The following MTSS1 variants were observed in gnomAD, a reference collection of about 807,000 sequenced individuals.
MTSS1 encodes the protein MTSS I-BAR domain containing 1.
In MTSS1, 18 loss-of-function variants were observed where a neutral mutation model predicts 79.0. That is an observed-to-expected ratio of 0.23 (90% CI 0.16 to 0.34). The LOEUF is 0.34. MTSS1 is among the 10% of genes least tolerant of loss of function. MTSS1 has a pLI of 1.00. For synonymous variants in MTSS1, 341 were observed against 368.6 expected (o/e 0.93, Z 0.86); for missense variants, 815 against 986.2 (o/e 0.83, Z 2.33).
chr8:124,591,524 T>C (rs80062289), intron 3 of MTSS1, among the ~76,000 whole-genome samples: 3,192 of 152,326 alleles, frequency 0.021, 118 homozygotes, highest in African/African-American at 0.073. Context: ...GTAATGCTGA[T>C]TGTAATCTAA....
At chr8:124,568,005 T>A in intron 7 of MTSS1, 1 of 1,271,408 alleles carries the variant, frequency 7.9e-7, no homozygotes, top group Non-Finnish European at 1.0e-6. Context: ...AGTGCTCCTT[T>A]AAAACACAGA....
chr8:124,552,906 G>T lies in MTSS1; in HGVS notation c.*86C>A, dbSNP rs1822754665. 7.3e-7 allele frequency: 1 copy of T among 1,378,700 alleles called. No homozygotes were observed. The highest frequency in any genetic ancestry group is 1.5e-5 in the African/African-American group (1 of 68,812). The allele number at this position is 1,378,700 out of a possible 1,614,324, so 85.4% of individuals were successfully genotyped here. Reference sequence around the variant, plus strand: ...TTCCGAGTTGCCTACAAAATCTTTTGTTTTATTATAGAGTGGAATGGATCA... The same window carrying T: ...TTCCGAGTTGCCTACAAAATCTTTTTTTTTATTATAGAGTGGAATGGATCA... On this transcript the variant is annotated 3_prime_UTR_variant, in exon 14 of 14. Transcript: ENST00000518547.
chr8:124,558,673 G>A, intron 10 of MTSS1: 2 of 1,501,854 alleles, frequency 1.3e-6, no homozygotes, highest in South Asian at 2.5e-5. Context: ...AGGGGGACCA[G>A]GGAGAGTGGG....
Position 124,552,783 on chromosome 8 carries a change from T to C in MTSS1, c.*209A>G. 2.1e-6 allele frequency: 1 copy of C among 487,318 alleles called. No individual in the cohort carries two copies. The highest frequency in any genetic ancestry group is 3.6e-6 in the Non-Finnish European group (1 of 280,794). The allele number at this position is 487,318 out of a possible 1,614,324, so 30.2% of individuals were successfully genotyped here. A position where few individuals can be genotyped will look rare whatever the true frequency, so the allele number is the denominator to read the frequency against. ...AGATTAAAATGTGCAGAAAGAAAAT[T>C]GTCAATATTTACAAATTAAAAGATC... On this transcript the variant is annotated 3_prime_UTR_variant, in exon 14 of 14. Coordinates refer to ENST00000518547, the MANE Select transcript of MTSS1 (RefSeq NM_014751.6).
intron 3 of MTSS1, among the ~76,000 whole-genome samples, chr8:124,640,281 C>T (rs929559654): frequency 2.6e-5 from 4 of 152,076 alleles, no homozygotes; most frequent in African/African-American, 9.7e-5. Flanking sequence ...GATGGTTGTT[C>T]GATTATTTTA....
chr8:124,685,876 C>T (rs9643198), intron 3 of MTSS1, among the ~76,000 whole-genome samples: 1 of 152,076 alleles, frequency 6.6e-6, no homozygotes, highest in Non-Finnish European at 1.5e-5. Context: ...TGGAGACAGA[C>T]AAGTGGGAGG....
rs1337471968 is a variant in MTSS1, at chr8:124,707,190, C to T, written c.73-2999G>A. Reference sequence around the variant, plus strand: ...AAGAGCCAGACCCTCCTCTCCCAAACACCAAACACTCCCATCCAGGGAGCC... The same window carrying T: ...AAGAGCCAGACCCTCCTCTCCCAAATACCAAACACTCCCATCCAGGGAGCC... On this transcript the variant is annotated intron_variant, in intron 1 of 13. Transcript: ENST00000518547. Among the ~76,000 whole-genome samples, 5 of 152,232 alleles carry T rather than the reference C, an allele frequency of 3.3e-5. No homozygotes were observed. The East Asian group carries it at 7.7e-4, about 24-fold the overall frequency.
chr8:124,677,412 T>C (rs1825485531), intron 3 of MTSS1, among the ~76,000 whole-genome samples: 1 of 152,224 alleles, frequency 6.6e-6, no homozygotes, highest in African/African-American at 2.4e-5. Flanking sequence ...TACTCACCTA[T>C]GCCACTGTAG....
At chr8:124,616,687 C>A (rs11995300) in intron 3 of MTSS1, among the ~76,000 whole-genome samples, 38,330 of 151,996 alleles carry the variant, frequency 0.25, 6,412 homozygotes, top group African/African-American at 0.48. Flanking sequence ...TCTGATTCTG[C>A]AGTGATTTCT....
chr8:124,633,665 G>A (rs1414417588), intron 3 of MTSS1, among the ~76,000 whole-genome samples: 2 of 151,994 alleles, frequency 1.3e-5, no homozygotes, highest in Non-Finnish European at 2.9e-5. Context: ...AGCTACTCGA[G>A]GGGCTGAGGG....
chr8:124,707,953 G>A (rs1181176897), intron 1 of MTSS1, among the ~76,000 whole-genome samples: 2 of 152,224 alleles, frequency 1.3e-5, no homozygotes, highest in Admixed American at 1.3e-4. Context: ...TGGGCAGGGA[G>A]CACTGGGTCC....
chr8:124,727,874 G>A lies in MTSS1; in HGVS notation c.72+10C>T. Reference sequence around the variant, plus strand: ...CGGCCGGCGCCGCAGCCGCACCCCCGGCGTCCTACCTTCATGTCGCTGATG... The same window carrying A: ...CGGCCGGCGCCGCAGCCGCACCCCCAGCGTCCTACCTTCATGTCGCTGATG... On this transcript the variant is annotated intron_variant, in intron 1 of 13. Coordinates refer to ENST00000518547, the MANE Select transcript of MTSS1 (RefSeq NM_014751.6). The surrounding 1 kb of genome is among the most constrained non-coding windows in gnomAD (Gnocchi z 4.7). 6.3e-7 allele frequency: 1 copy of A among 1,584,202 alleles called. No homozygotes were observed. The highest frequency in any genetic ancestry group is 8.6e-7 in the Non-Finnish European group (1 of 1,169,210).
At chr8:124,588,940 C>T (rs1459831311) in intron 5 of MTSS1, among the ~76,000 whole-genome samples, 2 of 152,092 alleles carry the variant, frequency 1.3e-5, no homozygotes, top group Non-Finnish European at 2.9e-5. Context: ...GTCTCAGACT[C>T]CTGGACTCAA....
At position 124,593,078 on chromosome 8, in the gene MTSS1, G is replaced by A. The variant is rs1366829862; in HGVS notation, c.209-1843C>T. ...CAGGGGATGCCACGGCCATCTCAGC[G>A]TTGCCATCTACCACTGTTCACACCA... On this transcript the variant is annotated intron_variant, in intron 3 of 13. Transcript: ENST00000518547. 2.0e-5 allele frequency among the ~76,000 whole-genome samples: 3 copies of A among 152,206 alleles called. No homozygotes were observed. In the East Asian group the frequency reaches 5.8e-4, roughly 29 times the overall value.
chr8:124,688,267 ATG>A (rs766579397), intron 3 of MTSS1, among the ~76,000 whole-genome samples: 13 of 151,136 alleles, frequency 8.6e-5, no homozygotes, highest in East Asian at 3.9e-4. Context: ...GTGCATGTGT[ATG>A]TGTGTGTATA....
Position 124,553,779 on chromosome 8 carries a change from G to A in MTSS1, c.1568-87C>T, listed in dbSNP as rs1822994904. ...GGCTGGGAGGACAAAAGGCACGCAA[G>A]GCAGGGTACACACACAGTCTCATCC... On this transcript the variant is annotated intron_variant, in intron 13 of 13. Coordinates refer to ENST00000518547, the MANE Select transcript of MTSS1 (RefSeq NM_014751.6). This position sits in a 1 kb window ranked among gnomAD's most constrained non-coding sequence, Gnocchi z 6.0. 1.7e-6 allele frequency: 2 copies of A among 1,192,266 alleles called. No individual in the cohort carries two copies. The highest frequency in any genetic ancestry group is 2.5e-4 in the Middle Eastern group (1 of 4,058). The allele number at this position is 1,192,266 out of a possible 1,614,324, so 73.9% of individuals were successfully genotyped here. A position where few individuals can be genotyped will look rare whatever the true frequency, so the allele number is the denominator to read the frequency against.
chr8:124,641,091 C>A (rs1193684105), intron 3 of MTSS1, among the ~76,000 whole-genome samples: 1 of 151,116 alleles, frequency 6.6e-6, no homozygotes, highest in Non-Finnish European at 1.5e-5. Flanking sequence ...GGGGAAAACC[C>A]GCAACTGATC....
intron 3 of MTSS1, among the ~76,000 whole-genome samples, chr8:124,684,427 G>A (rs1011065253): frequency 1.3e-5 from 2 of 152,220 alleles, no homozygotes; most frequent in African/African-American, 4.8e-5. Flanking sequence ...ACAAGATTTT[G>A]TGAGTTGCAA....
intron 6 of MTSS1, among the ~76,000 whole-genome samples, chr8:124,571,977 G>A (rs1418718260): frequency 1.3e-5 from 2 of 151,856 alleles, no homozygotes; most frequent in East Asian, 3.9e-4. Context: ...TAAATAAATA[G>A]ATAAAATAAA....
Sources: allele counts gnomAD v4.1 joint callset (sites outside exome capture counted in the v4.1 genomes callset), GRCh38; gene constraint gnomAD v4.1.1; non-coding constraint Gnocchi (gnomAD v3.1); transcripts MANE v1.5; gene names NCBI Gene and HGNC (gene_info 2026-07-23, HGNC 2026-07-21).